Variants in UGGT2 observed in about 807,000 individuals in gnomAD.
UGGT2 encodes UDP-glucose:glycoprotein glucosyltransferase 2.
A neutral mutation model predicts 192.1 loss-of-function variants in UGGT2; 180 were observed. The ratio of observed to expected loss-of-function variants is 0.94; its 90% CI spans 0.83 to 1.06. The LOEUF is 1.06. Among genes scored for constraint, UGGT2 ranks in the 50% least tolerant of loss-of-function variants. The pLI is 0.00. For missense variants in UGGT2, 1,849 were observed against 1,795.7 expected, an observed-to-expected ratio of 1.03 and a Z score of -0.54; for synonymous variants, 580 against 591.0, an observed-to-expected ratio of 0.98 and a Z score of 0.27.
At chr13:95,936,877 T>A (rs759513414) in intron 17 of UGGT2, 47 bp downstream of exon 17, 41 of 1,403,954 alleles carry the variant, frequency 2.9e-5, no homozygotes, top group Non-Finnish European at 3.9e-5. Flanking sequence ...AATAAAAACA[T>A]CATTTATAAA....
chr13:96,021,439 C>A (rs549629450), intron 4 of UGGT2, among the ~76,000 whole-genome samples: 1 of 151,946 alleles, frequency 6.6e-6, no homozygotes, highest in Non-Finnish European at 1.5e-5. Context: ...TCTAATAATG[C>A]CATAAAGGAA....
rs370253713 is a variant in UGGT2 at position 96,046,731 on chromosome 13, G to A, written c.158+6424C>T. 9.8e-5 allele frequency among the ~76,000 whole-genome samples: 15 copies of A among 152,338 alleles called. No homozygotes were observed. The East Asian group carries it at 1.5e-3, about 16-fold the overall frequency. The stretch of plus-strand genomic sequence containing the variant: ...TTCCCTTTCCTAGCCAAGGGAAGCC[G>A]TGACAGATGGCACCTGGAAAATCGG... On this transcript the variant is annotated intron_variant, in intron 1 of 38. Coordinates refer to ENST00000376747, the MANE Select transcript of UGGT2 (RefSeq NM_020121.4).
At chr13:95,831,989 G>T (rs1886747111) in intron 38 of UGGT2, among the ~76,000 whole-genome samples, 2 of 150,476 alleles carry the variant, frequency 1.3e-5, no homozygotes, top group South Asian at 2.1e-4. Flanking sequence ...ACATACATGG[G>T]TGTGTATAAT....
intron 6 of UGGT2, 36 bp from the exon 7 acceptor site, chr13:95,996,171 A>G (rs747927504): frequency 1.3e-6 from 2 of 1,554,276 alleles, no homozygotes; most frequent in Non-Finnish European, 8.8e-7. Flanking sequence ...AACAACAAAA[A>G]TATTTTCAGA....
intron 14 of UGGT2, 133 bp downstream of exon 14, chr13:95,947,863 C>T (rs2049929376): frequency 9.7e-6 from 6 of 620,602 alleles, no homozygotes; most frequent in East Asian, 2.9e-5. Context: ...TACTTCACAA[C>T]GTGCAGCTGT....
At chr13:95,989,722 A>C (rs1435538052) in intron 8 of UGGT2, 4 of 283,872 alleles carry the variant, frequency 1.4e-5, no homozygotes, top group African/African-American at 8.8e-5. Context: ...CCTATAAATC[A>C]GTATATACTT....
Position 96,052,013 on chromosome 13 carries a change from T to C in UGGT2, c.158+1142A>G, listed in dbSNP as rs1379549971. ...AGAGGAAAAGAAGTCATGAAAAAGA[T>C]AGTTGCACAAGTATGTTTATAGCAG... On this transcript the variant is annotated intron_variant, in intron 1 of 38. Coordinates refer to ENST00000376747, the MANE Select transcript of UGGT2 (RefSeq NM_020121.4). Among the ~76,000 whole-genome samples, 8 of 152,232 alleles carry C rather than the reference T, an allele frequency of 5.3e-5. No individual in the cohort carries two copies. In the East Asian group the frequency reaches 1.4e-3, roughly 26 times the overall value.
intron 15 of UGGT2, 89 bp downstream of exon 15, chr13:95,946,948 T>G: frequency 7.7e-7 from 1 of 1,302,246 alleles, no homozygotes; most frequent in Non-Finnish European, 1.0e-6. Flanking sequence ...ATAAATGTAA[T>G]GCAAAAATTA....
At chr13:95,892,535 T>C (rs1200335691) in intron 24 of UGGT2, among the ~76,000 whole-genome samples, 1 of 152,122 alleles carries the variant, frequency 6.6e-6, no homozygotes, top group Admixed American at 6.5e-5. Context: ...ACTGCTTAGG[T>C]ATACACAGTT....
At chr13:95,879,927 A>C (rs1160600526) in intron 27 of UGGT2, among the ~76,000 whole-genome samples, 1 of 152,166 alleles carries the variant, frequency 6.6e-6, no homozygotes, top group Non-Finnish European at 1.5e-5. Context: ...ATTCTGGGGT[A>C]CATGTGCAGA....
intron 15 of UGGT2, among the ~76,000 whole-genome samples, chr13:95,942,725 T>G (rs530083473): frequency 6.6e-6 from 1 of 152,294 alleles, no homozygotes; most frequent in South Asian, 2.1e-4. Context: ...GTATTGTAAA[T>G]ACTTCTCCTG....
intron 5 of UGGT2, among the ~76,000 whole-genome samples, chr13:96,010,662 A>G (rs2052132361): frequency 6.6e-6 from 1 of 152,226 alleles, no homozygotes; most frequent in Non-Finnish European, 1.5e-5. Flanking sequence ...ATAATTTTCA[A>G]TTGGAAGACT....
rs1888107554 is a variant in UGGT2, at chr13:95,843,742, A to G, written c.4285-6540T>C. On this transcript the variant is annotated intron_variant, in intron 36 of 38. Coordinates refer to ENST00000376747, the MANE Select transcript of UGGT2 (RefSeq NM_020121.4). ...GAAAAGACTATCCTTTCTCCACTGC[A>G]TTATCTTTGCACCTTTGTCAAAAGT... Among the ~76,000 whole-genome samples, 4 of 151,938 alleles carry G rather than the reference A, an allele frequency of 2.6e-5. No homozygotes were observed. The South Asian group carries it at 8.3e-4, about 31-fold the overall frequency.
chr13:95,857,338 T>C (rs1460296932), intron 33 of UGGT2, among the ~76,000 whole-genome samples: 1 of 152,114 alleles, frequency 6.6e-6, no homozygotes, highest in Non-Finnish European at 1.5e-5. Flanking sequence ...GATCTAAGGG[T>C]ACATTAGTGA....
intron 12 of UGGT2, among the ~76,000 whole-genome samples, chr13:95,956,306 A>T (rs1022120495): frequency 6.6e-6 from 1 of 152,168 alleles, no homozygotes; most frequent in African/African-American, 2.4e-5. Flanking sequence ...AAAGGTAACC[A>T]AAAAAAGGTG....
At chr13:95,959,616 A>T (rs1212026237) in intron 12 of UGGT2, among the ~76,000 whole-genome samples, 1 of 151,718 alleles carries the variant, frequency 6.6e-6, no homozygotes, top group Non-Finnish European at 1.5e-5. Context: ...CACTACCATC[A>T]CCTCAGGGCC....
At chr13:95,838,196 A>T (rs887303481) in intron 36 of UGGT2, among the ~76,000 whole-genome samples, 1 of 152,200 alleles carries the variant, frequency 6.6e-6, no homozygotes, top group African/African-American at 2.4e-5. Context: ...AAGAAAACAC[A>T]CCATTTACAT....
At chr13:95,823,176 T>C (rs915951099) in intron 38 of UGGT2, among the ~76,000 whole-genome samples, 1 of 152,114 alleles carries the variant, frequency 6.6e-6, no homozygotes, top group Non-Finnish European at 1.5e-5. Flanking sequence ...TCGACTTTCT[T>C]AAATTTATTG....
chr13:96,031,309 T>C (rs2052827282), intron 2 of UGGT2, among the ~76,000 whole-genome samples: 2 of 152,100 alleles, frequency 1.3e-5, no homozygotes, highest in South Asian at 4.1e-4. Flanking sequence ...GAAAACTATC[T>C]TAATTTTTTT....
Sources: allele counts gnomAD v4.1 joint callset (sites outside exome capture counted in the v4.1 genomes callset), GRCh38; gene constraint gnomAD v4.1.1; transcripts MANE v1.5; gene names NCBI Gene and HGNC (gene_info 2026-07-23, HGNC 2026-07-21).